Variants in BNIP3L observed in about 807,000 individuals in gnomAD.
BNIP3L encodes the protein BCL2 interacting protein 3 like.
In BNIP3L, 10 loss-of-function variants were observed where a neutral mutation model predicts 25.5. The ratio of observed to expected loss-of-function variants is 0.39; its 90% CI spans 0.24 to 0.67. The LOEUF is 0.67. BNIP3L is among the 30% of genes least tolerant of loss of function. The pLI is 0.45. For synonymous variants in BNIP3L, 113 were observed against 101.2 expected (o/e 1.12, Z -0.70); for missense variants, 215 against 270.9 (o/e 0.79, Z 1.45).
chr8:26,390,503 A>G, intron 1 of BNIP3L: 1 of 985,480 alleles, frequency 1.0e-6, no homozygotes, highest in Non-Finnish European at 1.2e-6. Flanking sequence ...AAAAGAAAAA[A>G]GACAAGTTCA....
intron 1 of BNIP3L, among the ~76,000 whole-genome samples, chr8:26,389,467 C>G (rs1203679781): frequency 2.0e-5 from 3 of 152,002 alleles, no homozygotes; most frequent in Non-Finnish European, 4.4e-5. Flanking sequence ...GTTCTCTAGC[C>G]TGTGTCCATT....
intron 2 of BNIP3L, among the ~76,000 whole-genome samples, chr8:26,393,068 T>G (rs1325711878): frequency 1.3e-5 from 2 of 151,874 alleles, no homozygotes; most frequent in East Asian, 3.9e-4. Flanking sequence ...GGCCCTAGAT[T>G]AGTGGTCATC....
intron 3 of BNIP3L, among the ~76,000 whole-genome samples, chr8:26,405,021 G>T (rs1158112208): frequency 6.6e-6 from 1 of 152,266 alleles, no homozygotes; most frequent in East Asian, 1.9e-4. Flanking sequence ...TATTCTTAAA[G>T]TATTGTAAGT....
chr8:26,383,088 G>A lies in BNIP3L; in HGVS notation c.-43G>A, dbSNP rs754798111. The A allele has an allele frequency of 6.6e-7, 1 of 1,523,566 alleles. No individual in the cohort carries two copies. The highest frequency in any genetic ancestry group is 8.9e-7 in the Non-Finnish European group (1 of 1,121,732). The allele number at this position is 1,523,566 out of a possible 1,614,324, so 94.4% of individuals were successfully genotyped here. Reference sequence around the variant, plus strand: ...TTGTTGTGTTGCTGCCTGAGTGCCGGAGACGGTCCTGCTGCTGCCGCAGTC... The same window carrying A: ...TTGTTGTGTTGCTGCCTGAGTGCCGAAGACGGTCCTGCTGCTGCCGCAGTC... On this transcript the variant is annotated 5_prime_UTR_variant, in exon 1 of 6. Transcript: ENST00000380629.
intron 3 of BNIP3L, among the ~76,000 whole-genome samples, chr8:26,401,381 A>G (rs1289171071): frequency 1.3e-5 from 2 of 150,476 alleles, no homozygotes; most frequent in African/African-American, 2.5e-5. Context: ...TCACATGGAC[A>G]CAGGAAGGGG....
intron 3 of BNIP3L, among the ~76,000 whole-genome samples, chr8:26,407,770 T>C (rs982000318): frequency 6.6e-6 from 1 of 152,272 alleles, no homozygotes; most frequent in African/African-American, 2.4e-5. Flanking sequence ...GCAGTTCCTG[T>C]GCTGTGCTTA....
intron 1 of BNIP3L, among the ~76,000 whole-genome samples, chr8:26,383,730 G>GC (rs1320469702): frequency 6.6e-6 from 1 of 151,720 alleles, no homozygotes; most frequent in Non-Finnish European, 1.5e-5. Context: ...CGTCTGGCGG[G>GC]CGCGGGAGCC....
rs933136423 is a variant in BNIP3L, at chr8:26,411,112, A to G, written c.*700A>G. ...AAGTAAAATACATCAGCAGATTTTC[A>G]TACTAGTATGTTGTAATGCTGTCTT... On this transcript the variant is annotated 3_prime_UTR_variant, in exon 6 of 6. Transcript: ENST00000380629. The G allele has an allele frequency of 2.0e-5, 3 of 152,618 alleles. No individual in the cohort carries two copies. The highest frequency in any genetic ancestry group is 4.4e-5 in the Non-Finnish European group (3 of 68,062). 9.5% of individuals were successfully genotyped at this position (152,618 alleles called of 1,614,324 possible). A position where few individuals can be genotyped will look rare whatever the true frequency, so the allele number is the denominator to read the frequency against.
chr8:26,410,323 T>C (rs772423534), intron 5 of BNIP3L, 41 bp from the exon 6 acceptor site: 2 of 1,612,192 alleles, frequency 1.2e-6, no homozygotes, highest in Non-Finnish European at 8.5e-7. Context: ...GGTATAGAAC[T>C]GTTGAAACAG....
intron 3 of BNIP3L, among the ~76,000 whole-genome samples, chr8:26,399,695 A>C (rs1297172547): frequency 1.5e-5 from 1 of 67,758 alleles, no homozygotes; most frequent in Non-Finnish European, 3.0e-5. Flanking sequence ...AAATCTCCTT[A>C]AGCTGATAAG....
chr8:26,391,373 T>G lies in BNIP3L; in HGVS notation c.231T>G (p.Asp77Glu). 1 of 1,609,734 alleles carries G rather than the reference T, an allele frequency of 6.2e-7. No homozygotes were observed. Among genetic ancestry groups the G allele is most frequent in the South Asian group, 1.1e-5 (1 of 90,086 alleles). Residue 77 changes from aspartate (D) to glutamate (E), a missense_variant, in exon 2 of 6, where the codon GAT becomes GAG. Coordinates refer to ENST00000380629, the MANE Select transcript of BNIP3L (RefSeq NM_004331.3). The part of the protein sequence containing the change: ...HNGDMEKILL[D>E]AQHESGQSSS... Reference sequence around the variant, plus strand: ...GAGACATGGAGAAGATTCTTTTGGATGCACAACATGAATCAGGACAGAGTA... The same window carrying G: ...GAGACATGGAGAAGATTCTTTTGGAGGCACAACATGAATCAGGACAGAGTA...
chr8:26,390,083 G>C (rs1806071249), intron 1 of BNIP3L, among the ~76,000 whole-genome samples: 1 of 152,114 alleles, frequency 6.6e-6, no homozygotes, highest in Non-Finnish European at 1.5e-5. Context: ...GTGAAGTTAA[G>C]TTTATTGGCT....
At chr8:26,391,131 C>T (rs1021251042) in intron 1 of BNIP3L, 112 bp from the exon 2 acceptor site, 18 of 838,750 alleles carry the variant, frequency 2.1e-5, no homozygotes, top group Non-Finnish European at 2.8e-5. Flanking sequence ...AATACTTTTA[C>T]ATTTGGTTTG....
intron 2 of BNIP3L, among the ~76,000 whole-genome samples, chr8:26,392,455 GA>G (rs1037524185): frequency 6.6e-6 from 1 of 152,042 alleles, no homozygotes. Context: ...CAGAAGAAGT[GA>G]AAAAAAGGAG....
intron 2 of BNIP3L, among the ~76,000 whole-genome samples, chr8:26,393,996 T>C (rs761364851): frequency 3.9e-5 from 6 of 152,210 alleles, no homozygotes; most frequent in Non-Finnish European, 8.8e-5. Context: ...TTAATTAACA[T>C]TATATACATA....
At chr8:26,385,695 C>G (rs1805978008) in intron 1 of BNIP3L, among the ~76,000 whole-genome samples, 1 of 152,092 alleles carries the variant, frequency 6.6e-6, no homozygotes, top group South Asian at 2.1e-4. Context: ...TGTCTTTGGC[C>G]AGTCGGTTCC....
In BNIP3L at chr8:26,394,054, G is replaced by T. The variant is rs1352637231; in HGVS notation, c.285-1176G>T. The stretch of plus-strand genomic sequence containing the variant: ...ATATCTATTCTTTTCAGCAAGTTAA[G>T]CCCCAAATATTTTTTATTTCTATTT... On this transcript the variant is annotated intron_variant, in intron 2 of 5. Transcript: ENST00000380629. Among the ~76,000 whole-genome samples, 3 of 152,110 alleles carry T rather than the reference G, an allele frequency of 2.0e-5. No homozygotes were observed. In the East Asian group the frequency reaches 5.8e-4, roughly 29 times the overall value.
intron 3 of BNIP3L, among the ~76,000 whole-genome samples, chr8:26,402,389 G>A (rs979424259): frequency 6.6e-6 from 1 of 152,222 alleles, no homozygotes; most frequent in African/African-American, 2.4e-5. Context: ...AGCAGAAAGT[G>A]TACCACGGAA....
chr8:26,403,363 G>T (rs1349320609), intron 3 of BNIP3L, among the ~76,000 whole-genome samples: 1 of 152,090 alleles, frequency 6.6e-6, no homozygotes, highest in Non-Finnish European at 1.5e-5. Flanking sequence ...TAAGAAGAAA[G>T]TTTAGGGTTA....
Sources: allele counts gnomAD v4.1 joint callset (sites outside exome capture counted in the v4.1 genomes callset), GRCh38; gene constraint gnomAD v4.1.1; transcripts MANE v1.5; gene names NCBI Gene and HGNC (gene_info 2026-07-23, HGNC 2026-07-21).